The following SNRPA variants were observed in gnomAD, a reference collection of about 807,000 sequenced individuals.
SNRPA encodes U1 small nuclear ribonucleoprotein A.
SNRPA carries 10 observed loss-of-function variants against 24.5 expected under a neutral mutation model. That is an observed-to-expected ratio of 0.41 (90% CI 0.25 to 0.69). The LOEUF (loss-of-function observed/expected upper bound fraction) is 0.69. Ranked by LOEUF, SNRPA falls within the 30% of genes least tolerant of loss-of-function variation. SNRPA has a pLI of 0.33. For synonymous variants in SNRPA, 165 were observed against 148.4 expected (o/e 1.11, Z -0.81); for missense variants, 283 against 394.7 (o/e 0.72, Z 2.40).
Position 40,751,380 on chromosome 19 carries a change from CTT to C in SNRPA, c.-27_-26del. ...CAGGGCTAAAGTCACGTTTTTCCTC[CTT>C]TAAGACTTACCTCAACACTTCACTC... On this transcript the variant is annotated 5_prime_UTR_variant, in exon 1 of 6. Coordinates refer to ENST00000243563, the MANE Select transcript of SNRPA (RefSeq NM_004596.5). 1 of 1,578,360 alleles carries C rather than the reference CTT, an allele frequency of 6.3e-7. No individual in the cohort carries two copies. Among genetic ancestry groups the C allele is most frequent in the Non-Finnish European group, 8.7e-7 (1 of 1,147,526 alleles).
At position 40,765,080 on chromosome 19, in the gene SNRPA, G is replaced by A. The variant is rs561824535; in HGVS notation, c.762G>A (p.Glu254=). ...TCGCCTTCGTGGAGTTTGACAATGA[G>A]GTACAGGCAGGGGCAGCTCGCGATG... ...HDIAFVEFDN[E]VQAGAARDAL... Residue 254 remains glutamate (E), a synonymous_variant, in exon 6 of 6, where the codon GAG becomes GAA. Transcript: ENST00000243563. The A allele has an allele frequency of 3.1e-6, 5 of 1,593,726 alleles. No homozygotes were observed. In the South Asian group the frequency reaches 5.7e-5, roughly 18 times the overall value.
At chr19:40,764,165 G>A (rs2082944902) in intron 5 of SNRPA, among the ~76,000 whole-genome samples, 1 of 152,142 alleles carries the variant, frequency 6.6e-6, no homozygotes, top group Admixed American at 6.6e-5. Flanking sequence ...GAGTGAAGTC[G>A]TGGGTGTGGG....
rs984466689 is a variant in SNRPA at position 40,762,983 on chromosome 19, T to C, written c.509T>C (p.Ile170Thr). The change falls in exon 4 of 6, where the codon ATC becomes ACC. Residue 170 changes from isoleucine (I) to threonine (T), a missense_variant. Physicochemically the swap from Ile to Thr is moderately conservative, Grantham distance 89. Transcript: ENST00000243563. Reference protein sequence around the residue: ...QPPYMPPPGMIPPPGLAPGQI... With the variant: ...QPPYMPPPGMTPPPGLAPGQI... Reference sequence around the variant, plus strand: ...CCCTACATGCCGCCCCCTGGTATGATCCCCCCGCCAGGCCTTGCACCTGGC... The same window carrying C: ...CCCTACATGCCGCCCCCTGGTATGACCCCCCCGCCAGGCCTTGCACCTGGC... 2 of 1,611,934 alleles carry C rather than the reference T, an allele frequency of 1.2e-6. No individual in the cohort carries two copies. The highest frequency in any genetic ancestry group is 1.7e-5 in the Admixed American group (1 of 59,876).
intron 4 of SNRPA, 121 bp downstream of exon 4, chr19:40,763,195 T>G: frequency 1.4e-6 from 1 of 708,678 alleles, no homozygotes; most frequent in Non-Finnish European, 2.3e-6. Flanking sequence ...GAGGAGGTGG[T>G]ACTGAATGAG....
chr19:40,762,827 A>C, intron 3 of SNRPA, 74 bp from the exon 4 acceptor site: 1 of 1,474,874 alleles, frequency 6.8e-7, no homozygotes, highest in South Asian at 1.2e-5. Flanking sequence ...CTCACCCGCT[A>C]GGTTTCCTTT....
chr19:40,757,584 A>T (rs1203504076), intron 2 of SNRPA, 80 bp downstream of exon 2: 13 of 1,320,308 alleles, frequency 9.8e-6, no homozygotes, highest in South Asian at 1.4e-5. Context: ...AGAGGAGGGG[A>T]TATTACGGTT....
intron 1 of SNRPA, among the ~76,000 whole-genome samples, chr19:40,756,256 G>A (rs2082908087): frequency 6.7e-6 from 1 of 150,152 alleles, no homozygotes; most frequent in African/African-American, 2.5e-5. Flanking sequence ...GCAGTAGAAG[G>A]AGATTCTGTC....
chr19:40,752,756 G>A (rs1234197944), intron 1 of SNRPA, among the ~76,000 whole-genome samples: 5 of 148,820 alleles, frequency 3.4e-5, no homozygotes, highest in Non-Finnish European at 7.4e-5. Flanking sequence ...CTGAAAAAAG[G>A]AAAAAAAAAA....
rs368181412 is a variant in SNRPA at position 40,763,083 on chromosome 19, C to T, written c.600+9C>T. On this transcript the variant is annotated intron_variant, in intron 4 of 5. Transcript: ENST00000243563. ...TGCCCCCTGCCCAGCCTGTGAGTAT[C>T]TAGTCCCACCCACCAGGTCTCATAT... The T allele has an allele frequency of 1.4e-5, 21 of 1,545,634 alleles. 1 individual carries two copies. Among genetic ancestry groups the T allele is most frequent in the African/African-American group, 5.5e-5 (4 of 72,642 alleles).
At chr19:40,760,657 G>T (rs1275610570) in intron 3 of SNRPA, among the ~76,000 whole-genome samples, 1 of 152,196 alleles carries the variant, frequency 6.6e-6, no homozygotes, top group Non-Finnish European at 1.5e-5. Flanking sequence ...CCAGCAACCA[G>T]GCCAGGCCCA....
At chr19:40,760,969 T>C (rs1235826070) in intron 3 of SNRPA, among the ~76,000 whole-genome samples, 2 of 151,922 alleles carry the variant, frequency 1.3e-5, no homozygotes, top group African/African-American at 4.8e-5. Flanking sequence ...TCTTTTGTTT[T>C]TTTTCGGGAG....
chr19:40,751,235 A>G lies in SNRPA; in HGVS notation c.-174A>G, dbSNP rs2082855068. ...CACGCGGGCTGGAGAAGCGGGTCCT[A>G]CGCACGCTTTGTTGTCGCGCTTTGC... On this transcript the variant is annotated 5_prime_UTR_variant, in exon 1 of 6. Coordinates refer to ENST00000243563, the MANE Select transcript of SNRPA (RefSeq NM_004596.5). 1.5e-6 allele frequency: 1 copy of G among 650,922 alleles called. No individual in the cohort carries two copies. Among genetic ancestry groups the G allele is most frequent in the African/African-American group, 1.8e-5 (1 of 55,514 alleles). The allele number at this position is 650,922 out of a possible 1,614,324, so 40.3% of individuals were successfully genotyped here.
intron 1 of SNRPA, among the ~76,000 whole-genome samples, chr19:40,753,489 C>T (rs1438487819): frequency 1.5e-5 from 2 of 129,854 alleles, no homozygotes; most frequent in African/African-American, 5.7e-5. Flanking sequence ...CTCTGCCTCC[C>T]AGGTTCAAGC....
At chr19:40,753,280 G>A (rs1053314313) in intron 1 of SNRPA, among the ~76,000 whole-genome samples, 18 of 150,668 alleles carry the variant, frequency 1.2e-4, no homozygotes, top group African/African-American at 4.4e-4. Context: ...CTTGAACCCT[G>A]GGAAGCAGAG....
At chr19:40,761,704 T>C (rs2082933680) in intron 3 of SNRPA, among the ~76,000 whole-genome samples, 1 of 151,938 alleles carries the variant, frequency 6.6e-6, no homozygotes, top group African/African-American at 2.4e-5. Flanking sequence ...TGACCTCAAG[T>C]GATCCGCCCT....
chr19:40,757,562 C>T (rs2082913752), intron 2 of SNRPA, 58 bp downstream of exon 2: 15 of 1,493,792 alleles, frequency 1.0e-5, no homozygotes, highest in Admixed American at 4.1e-5. Context: ...GGAGACTGGG[C>T]GGGCCTGGAT....
In SNRPA at chr19:40,763,686, C is replaced by T; in HGVS notation, c.689+11C>T. 1 of 1,610,422 alleles carries T rather than the reference C, an allele frequency of 6.2e-7. No individual in the cohort carries two copies. The stretch of plus-strand genomic sequence containing the variant: ...CATGCTTTTCAATCAGTAAGTGGGG[C>T]CTGTGGCTGGGTGGTCCCTGGAGGG... On this transcript the variant is annotated intron_variant, in intron 5 of 5. Coordinates refer to ENST00000243563, the MANE Select transcript of SNRPA (RefSeq NM_004596.5).
chr19:40,752,206 G>T (rs1223004405), intron 1 of SNRPA, among the ~76,000 whole-genome samples: 1 of 151,812 alleles, frequency 6.6e-6, no homozygotes, highest in Non-Finnish European at 1.5e-5. Context: ...GCATGGTGGC[G>T]CATGCCTATA....
In SNRPA at chr19:40,765,249, C is replaced by T. The variant is rs1466891308; in HGVS notation, c.*82C>T. ...TTGGCTCAGCCCCCTGAAGGTAAGT[C>T]CCCCCTTGGGGGCCTTCTTGGAGCC... On this transcript the variant is annotated 3_prime_UTR_variant, in exon 6 of 6. Coordinates refer to ENST00000243563, the MANE Select transcript of SNRPA (RefSeq NM_004596.5). 9.7e-6 allele frequency: 10 copies of T among 1,027,226 alleles called. No individual in the cohort carries two copies. The highest frequency in any genetic ancestry group is 3.2e-5 in the East Asian group (1 of 31,442). 63.6% of individuals were successfully genotyped at this position (1,027,226 alleles called of 1,614,324 possible).
Sources: allele counts gnomAD v4.1 joint callset (sites outside exome capture counted in the v4.1 genomes callset), GRCh38; gene constraint gnomAD v4.1.1; transcripts MANE v1.5; gene names NCBI Gene and HGNC (gene_info 2026-07-23, HGNC 2026-07-21).